Variants in PDZRN3 observed in about 807,000 individuals in gnomAD.
The protein encoded by PDZRN3 is PDZ domain containing ring finger 3, also known as E3 ubiquitin-protein ligase PDZRN3.
A neutral mutation model predicts 85.7 loss-of-function variants in PDZRN3; 38 were observed. That is an observed-to-expected ratio of 0.44 (90% CI 0.34 to 0.58). PDZRN3 has a LOEUF of 0.58. Among genes scored for constraint, PDZRN3 ranks in the 20% least tolerant of loss-of-function variants. The pLI is 0.01. For synonymous variants in PDZRN3, 759 were observed against 638.0 expected, an observed-to-expected ratio of 1.19 and a Z score of -2.86; for missense variants, 1,629 against 1,506.4, an observed-to-expected ratio of 1.08 and a Z score of -1.35.
intron 3 of PDZRN3, among the ~76,000 whole-genome samples, chr3:73,495,924 A>AT (rs1191372780): frequency 6.6e-6 from 1 of 152,094 alleles, no homozygotes; most frequent in Non-Finnish European, 1.5e-5. Flanking sequence ...CTCAACATCG[A>AT]TTTTTTACTT....
intron 3 of PDZRN3, among the ~76,000 whole-genome samples, chr3:73,444,392 T>C (rs1702709202): frequency 6.6e-6 from 1 of 152,176 alleles, no homozygotes; most frequent in Non-Finnish European, 1.5e-5. Flanking sequence ...CAGGTGAATG[T>C]TATGCTAAGT....
chr3:73,400,324 C>G (rs746925356), intron 5 of PDZRN3, among the ~76,000 whole-genome samples: 5 of 152,154 alleles, frequency 3.3e-5, no homozygotes, highest in Admixed American at 6.6e-5. Flanking sequence ...TGTTGGCAAC[C>G]TGGTGTCCTC....
chr3:73,429,928 G>A (rs565193303), intron 3 of PDZRN3, among the ~76,000 whole-genome samples: 6 of 152,274 alleles, frequency 3.9e-5, no homozygotes, highest in East Asian at 1.9e-4. Context: ...GAGGTACCAC[G>A]TAGCACCTGG....
At chr3:73,535,778 A>C (rs1704769755) in intron 3 of PDZRN3, among the ~76,000 whole-genome samples, 1 of 151,332 alleles carries the variant, frequency 6.6e-6, no homozygotes, top group African/African-American at 2.4e-5. Context: ...TCTCGCCCAT[A>C]ATGTACACCT....
chr3:73,586,299 T>C (rs1249099745), intron 3 of PDZRN3, among the ~76,000 whole-genome samples: 1 of 152,208 alleles, frequency 6.6e-6, no homozygotes, highest in African/African-American at 2.4e-5. Flanking sequence ...AGATTCCACC[T>C]GTCTGCAGGA....
chr3:73,457,052 C>A (rs1362889199), intron 3 of PDZRN3, among the ~76,000 whole-genome samples: 1 of 152,044 alleles, frequency 6.6e-6, no homozygotes, highest in Non-Finnish European at 1.5e-5. Flanking sequence ...GGATTCATGG[C>A]AGGGAGAAAG....
At chr3:73,508,645 GGGTATTAGCTCCCA>G (rs1191233522) in intron 3 of PDZRN3, among the ~76,000 whole-genome samples, 5 of 152,128 alleles carry the variant, frequency 3.3e-5, no homozygotes, top group African/African-American at 1.2e-4. Context: ...AGTCACTGGA[GGGTATTAGCTCCCA>G]GGTAAATCCT....
chr3:73,401,487 C>T (rs1206655208), intron 4 of PDZRN3, among the ~76,000 whole-genome samples: 1 of 152,144 alleles, frequency 6.6e-6, no homozygotes, highest in Non-Finnish European at 1.5e-5. Flanking sequence ...TACCTAGGAC[C>T]GTGTCTTTTT....
chr3:73,422,625 G>A (rs1367004608), intron 3 of PDZRN3, among the ~76,000 whole-genome samples: 1 of 152,100 alleles, frequency 6.6e-6, no homozygotes, highest in South Asian at 2.1e-4. Context: ...GAGTAGAGTT[G>A]GTTCTGAGAC....
chr3:73,418,668 G>A lies in PDZRN3; in HGVS notation c.919-14273C>T, dbSNP rs150377885. On this transcript the variant is annotated intron_variant, in intron 3 of 9. Transcript: ENST00000263666. ...TCCTGGAAGCAGGAACTGGGCCCCCGTCCTTCCCCACCCTATGGCTATGCA... is the reference window on the plus strand; with the variant it reads ...TCCTGGAAGCAGGAACTGGGCCCCCATCCTTCCCCACCCTATGGCTATGCA... 3.3e-3 allele frequency among the ~76,000 whole-genome samples: 507 copies of A among 152,146 alleles called. 5 individuals carry two copies. The highest frequency in any genetic ancestry group is 0.012 in the African/African-American group (479 of 41,494).
chr3:73,438,265 C>T (rs1253466833), intron 3 of PDZRN3, among the ~76,000 whole-genome samples: 3 of 152,210 alleles, frequency 2.0e-5, no homozygotes, highest in Non-Finnish European at 2.9e-5. Context: ...CCCTCATAAT[C>T]GTTCTTTGAA....
intron 3 of PDZRN3, among the ~76,000 whole-genome samples, chr3:73,573,324 C>G (rs1365824908): frequency 6.6e-6 from 1 of 152,178 alleles, no homozygotes; most frequent in Non-Finnish European, 1.5e-5. Context: ...AATGTGGCAT[C>G]TGGGAAGACG....
chr3:73,557,942 G>GA (rs1317291357), intron 3 of PDZRN3, among the ~76,000 whole-genome samples: 3 of 151,838 alleles, frequency 2.0e-5, no homozygotes, highest in Non-Finnish European at 4.4e-5. Flanking sequence ...TGCATAAAAA[G>GA]AAAAAACACA....
intron 3 of PDZRN3, among the ~76,000 whole-genome samples, chr3:73,436,184 C>T (rs1012017070): frequency 3.3e-5 from 5 of 152,220 alleles, no homozygotes; most frequent in African/African-American, 1.2e-4. Context: ...TCCTTTGCAT[C>T]GCTTTCCAAA....
chr3:73,474,204 A>G (rs1030571573), intron 3 of PDZRN3, among the ~76,000 whole-genome samples: 2 of 152,190 alleles, frequency 1.3e-5, no homozygotes, highest in Non-Finnish European at 2.9e-5. Flanking sequence ...AGAAGTTGCT[A>G]TGGTTTTCAC....
chr3:73,624,892 C>T lies in PDZRN3; in HGVS notation c.-67G>A. On this transcript the variant is annotated 5_prime_UTR_variant, in exon 1 of 10. Coordinates refer to ENST00000263666, the MANE Select transcript of PDZRN3 (RefSeq NM_015009.3). The stretch of plus-strand genomic sequence containing the variant: ...GCCCCCTCCCTCCCCACGAGGCGGC[C>T]CAGACAGGCCGGCTACGCCGCCCGC... The T allele has an allele frequency of 8.3e-7, 1 of 1,211,408 alleles. No individual in the cohort carries two copies. The highest frequency in any genetic ancestry group is 3.4e-5 in the South Asian group (1 of 29,554). The allele number at this position is 1,211,408 out of a possible 1,614,324, so 75.0% of individuals were successfully genotyped here.
At chr3:73,386,277 G>A (rs942028058) in intron 8 of PDZRN3, among the ~76,000 whole-genome samples, 3 of 120,932 alleles carry the variant, frequency 2.5e-5, no homozygotes, top group African/African-American at 9.5e-5. Flanking sequence ...TCCCAGGCTG[G>A]AGTGCAGTGG....
In PDZRN3 at chr3:73,404,398, G is replaced by A. The variant is rs1390560568; in HGVS notation, c.919-3C>T. ...CTGGATAAGTCTCTGCCGTTGACCTGTGGAAAAATATTTAGGGTGGGACAA... is the reference window on the plus strand; with the variant it reads ...CTGGATAAGTCTCTGCCGTTGACCTATGGAAAAATATTTAGGGTGGGACAA... On this transcript the variant is annotated splice_polypyrimidine_tract_variant and splice_region_variant and intron_variant, in intron 3 of 9. Transcript: ENST00000263666. 6.2e-7 allele frequency: 1 copy of A among 1,608,614 alleles called. No individual in the cohort carries two copies. Among genetic ancestry groups the A allele is most frequent in the Non-Finnish European group, 8.5e-7 (1 of 1,177,284 alleles).
rs750579131 is a variant in PDZRN3 at position 73,384,326 on chromosome 3, G to A, written c.2240C>T (p.Pro747Leu). 2.5e-6 allele frequency: 4 copies of A among 1,611,696 alleles called. No homozygotes were observed. The highest frequency in any genetic ancestry group is 3.4e-6 in the Non-Finnish European group (4 of 1,179,972). Reference sequence around the variant, plus strand: ...CGAGCTGTCCTTGTCGGATTTCTCCGGGAGCTCGGTGATATCTGAGAGCTC... The same window carrying A: ...CGAGCTGTCCTTGTCGGATTTCTCCAGGAGCTCGGTGATATCTGAGAGCTC... ...RHELSDITEL[P>L]EKSDKDSSSA... Residue 747 changes from proline (P) to leucine (L), a missense_variant, in exon 10 of 10, where the codon CCG becomes CTG. Pro to Leu is a moderately conservative substitution (Grantham distance 98, BLOSUM62 -3). Coordinates refer to ENST00000263666, the MANE Select transcript of PDZRN3 (RefSeq NM_015009.3).
Sources: gnomAD v4.1 joint callset for allele counts (sites outside exome capture counted in the v4.1 genomes callset) on GRCh38, gnomAD v4.1.1 for gene constraint, MANE v1.5 for transcripts, NCBI Gene and HGNC (gene_info 2026-07-23, HGNC 2026-07-21) for gene names.